Variants in DHX36 observed in about 807,000 individuals in gnomAD.
DHX36 encodes the protein DEAH-box helicase 36, also known as ATP-dependent DNA/RNA helicase DHX36.
In DHX36, 50 loss-of-function variants were observed where a neutral mutation model predicts 139.0. That is an observed-to-expected ratio of 0.36 (90% CI 0.29 to 0.46). DHX36 has a LOEUF of 0.46. Ranked by LOEUF, DHX36 falls within the 20% of genes least tolerant of loss-of-function variation. DHX36 has a pLI of 1.00. For missense variants in DHX36, 1,024 were observed against 1,211.3 expected, an observed-to-expected ratio of 0.85 and a Z score of 2.29; for synonymous variants, 425 against 401.9, an observed-to-expected ratio of 1.06 and a Z score of -0.69.
intron 17 of DHX36, among the ~76,000 whole-genome samples, chr3:154,288,375 G>A (rs1475072022): frequency 6.6e-6 from 1 of 151,594 alleles, no homozygotes; most frequent in Non-Finnish European, 1.5e-5. Context: ...AAAAAATCAA[G>A]CCATTATAGT....
In DHX36 at chr3:154,279,919, T is replaced by C. The variant is rs1300835853; in HGVS notation, c.2567+660A>G. 4 of 152,330 alleles carry C rather than the reference T, an allele frequency of 2.6e-5. No homozygotes were observed. In the East Asian group the frequency reaches 5.8e-4, roughly 22 times the overall value. The allele number at this position is 152,330 out of a possible 1,614,324, so 9.4% of individuals were successfully genotyped here. ...AAATCTATATTATTTACAATATAGC[T>C]GTTAGAAAACATTTGAAATTACTTC... On this transcript the variant is annotated intron_variant, in intron 22 of 24. Transcript: ENST00000496811.
In DHX36 at chr3:154,286,190, A is replaced by C. The variant is rs1711547626; in HGVS notation, c.2032-1203T>G. 1.3e-5 allele frequency among the ~76,000 whole-genome samples: 2 copies of C among 149,764 alleles called. 1 individual carries two copies. Among genetic ancestry groups the C allele is most frequent in the South Asian group, 4.2e-4 (2 of 4,790 alleles). The stretch of plus-strand genomic sequence containing the variant: ...CCAAAAAAAAAAAAAAAAAAAAAAA[A>C]AACACCAACAAACACTTTACTCTCA... On this transcript the variant is annotated intron_variant, in intron 17 of 24. Coordinates refer to ENST00000496811, the MANE Select transcript of DHX36 (RefSeq NM_020865.3).
At chr3:154,286,444 T>C (rs1173701876) in intron 17 of DHX36, among the ~76,000 whole-genome samples, 1 of 151,728 alleles carries the variant, frequency 6.6e-6, no homozygotes, top group African/African-American at 2.4e-5. Flanking sequence ...AGCAACTTTA[T>C]TTCTGTATTA....
intron 3 of DHX36, among the ~76,000 whole-genome samples, chr3:154,312,942 T>C (rs1443720247): frequency 2.2e-5 from 3 of 139,444 alleles, no homozygotes; most frequent in Non-Finnish European, 4.6e-5. Context: ...AGTATTATAT[T>C]ATTGCCATGT....
chr3:154,285,065 G>A (rs1711508931), intron 17 of DHX36, 78 bp from the exon 18 acceptor site: 5 of 1,448,350 alleles, frequency 3.5e-6, no homozygotes, highest in East Asian at 4.6e-5. Context: ...GCTTTAAAAA[G>A]AGTAACAAGC....
intron 1 of DHX36, among the ~76,000 whole-genome samples, chr3:154,320,500 C>T (rs1298748123): frequency 6.6e-6 from 1 of 152,114 alleles, no homozygotes; most frequent in Admixed American, 6.5e-5. Flanking sequence ...ACCCATGAGC[C>T]CATTAACTGT....
At chr3:154,321,258 A>G (rs1275179979) in intron 1 of DHX36, among the ~76,000 whole-genome samples, 1 of 152,148 alleles carries the variant, frequency 6.6e-6, no homozygotes, top group Admixed American at 6.5e-5. Flanking sequence ...CCTCATCTCA[A>G]TACACTCCAC....
At chr3:154,304,363 TA>T (rs942486535) in intron 8 of DHX36, among the ~76,000 whole-genome samples, 8 of 152,116 alleles carry the variant, frequency 5.3e-5, no homozygotes, top group African/African-American at 1.9e-4. Context: ...ATGTGAATGA[TA>T]ATAGCAACTA....
At chr3:154,283,446 C>A (rs1719393656) in intron 19 of DHX36, among the ~76,000 whole-genome samples, 175 bp from the exon 20 acceptor site, 1 of 152,020 alleles carries the variant, frequency 6.6e-6, no homozygotes. Context: ...TCCCCATGAT[C>A]CTAGTCCTTA....
intron 4 of DHX36, among the ~76,000 whole-genome samples, chr3:154,310,235 T>C (rs962551076): frequency 6.6e-6 from 1 of 152,204 alleles, no homozygotes; most frequent in African/African-American, 2.4e-5. Flanking sequence ...TATGCCATTT[T>C]AGGAGCAAGG....
intron 4 of DHX36, among the ~76,000 whole-genome samples, chr3:154,310,816 T>C (rs1365189034): frequency 4.4e-5 from 1 of 22,846 alleles, no homozygotes; most frequent in Non-Finnish European, 6.9e-5. Context: ...AATATATATA[T>C]ATATATATAT....
chr3:154,321,341 C>T (rs543348708), intron 1 of DHX36, among the ~76,000 whole-genome samples: 1 of 152,284 alleles, frequency 6.6e-6, no homozygotes, highest in Non-Finnish European at 1.5e-5. Context: ...ATGGCACATG[C>T]TACTGCCTTT....
Position 154,293,937 on chromosome 3 carries a change from A to G in DHX36, c.1606-125T>C, listed in dbSNP as rs115356518. On this transcript the variant is annotated intron_variant, in intron 13 of 24. Coordinates refer to ENST00000496811, the MANE Select transcript of DHX36 (RefSeq NM_020865.3). The stretch of plus-strand genomic sequence containing the variant: ...ATTCTATGTTCATTCACTGACATAT[A>G]CATCTAATATTTATCGATGTATTTA... 1.5e-3 allele frequency: 915 copies of G among 615,204 alleles called. 3 individuals are homozygous for G. In the African/African-American group the frequency reaches 0.015, roughly 10 times the overall value. The allele number at this position is 615,204 out of a possible 1,614,324, so 38.1% of individuals were successfully genotyped here. A position where few individuals can be genotyped will look rare whatever the true frequency, so the allele number is the denominator to read the frequency against.
intron 6 of DHX36, 46 bp downstream of exon 6, chr3:154,306,170 A>C: frequency 7.3e-7 from 1 of 1,374,590 alleles, no homozygotes; most frequent in Admixed American, 1.8e-5. Flanking sequence ...CCAGCTTCAA[A>C]GTTTCACTAA....
At chr3:154,310,911 G>GTA (rs1323922935) in intron 4 of DHX36, among the ~76,000 whole-genome samples, 4 of 129,188 alleles carry the variant, frequency 3.1e-5, no homozygotes, top group Non-Finnish European at 6.2e-5. Flanking sequence ...ACATAGATGT[G>GTA]TATATATCAG....
At chr3:154,315,497 T>G (rs112881924) in intron 2 of DHX36, among the ~76,000 whole-genome samples, 1 of 152,142 alleles carries the variant, frequency 6.6e-6, no homozygotes, top group Non-Finnish European at 1.5e-5. Context: ...GATTAAGTTA[T>G]TCCTTGTGAT....
intron 15 of DHX36, among the ~76,000 whole-genome samples, 165 bp from the exon 16 acceptor site, chr3:154,289,991 TTTC>T (rs1049932011): frequency 1.3e-5 from 2 of 152,214 alleles, no homozygotes; most frequent in African/African-American, 2.4e-5. Context: ...GAATCATGTA[TTTC>T]TTCTGTTTAG....
chr3:154,315,710 T>C (rs1024852362), intron 2 of DHX36, among the ~76,000 whole-genome samples: 3 of 152,094 alleles, frequency 2.0e-5, no homozygotes, highest in African/African-American at 7.2e-5. Flanking sequence ...ACAGTTCTTG[T>C]AATCTTTCTA....
Position 154,293,785 on chromosome 3 carries a change from G to T in DHX36, c.1633C>A (p.Arg545=). 1.2e-6 allele frequency: 2 copies of T among 1,612,608 alleles called. No homozygotes were observed. Among genetic ancestry groups the T allele is most frequent in the South Asian group, 1.1e-5 (1 of 90,920 alleles). ...ATGTTGGTAGCAATTACTATTTTCCGAACACCAGGAGGGGTTCTTTTAAAC... is the reference window on the plus strand; with the variant it reads ...ATGTTGGTAGCAATTACTATTTTCCTAACACCAGGAGGGGTTCTTTTAAAC... ...QVFKRTPPGV[R]KIVIATNIAE... Residue 545 remains arginine (R), a synonymous_variant, in exon 14 of 25, where the codon CGG becomes AGG. Coordinates refer to ENST00000496811, the MANE Select transcript of DHX36 (RefSeq NM_020865.3).
Sources: gnomAD v4.1 joint callset for allele counts (sites outside exome capture counted in the v4.1 genomes callset) on GRCh38, gnomAD v4.1.1 for gene constraint, MANE v1.5 for transcripts, NCBI Gene and HGNC (gene_info 2026-07-23, HGNC 2026-07-21) for gene names.